GMDS: variants seen among roughly 807,000 people sequenced by gnomAD.
GMDS encodes GDP-mannose 4,6 dehydratase.
In GMDS, 20 loss-of-function variants were observed where a neutral mutation model predicts 49.9. The observed-to-expected ratio is 0.40, with a 90% CI of 0.28 to 0.58. The LOEUF is 0.58. Among genes scored for constraint, GMDS ranks in the 20% least tolerant of loss-of-function variants. GMDS has a pLI of 0.42. For synonymous variants in GMDS, 177 were observed against 178.6 expected (o/e 0.99, Z 0.07); for missense variants, 362 against 481.4 (o/e 0.75, Z 2.32).
At chr6:2,184,121 GGT>G (rs761011136) in intron 1 of GMDS, among the ~76,000 whole-genome samples, 17 of 152,172 alleles carry the variant, frequency 1.1e-4, no homozygotes, top group South Asian at 1.0e-3. Flanking sequence ...ATATCTCAGA[GGT>G]ATGCCTGTAT....
intron 4 of GMDS, among the ~76,000 whole-genome samples, chr6:2,087,059 T>C (rs1372572994): frequency 6.6e-6 from 1 of 152,182 alleles, no homozygotes; most frequent in African/African-American, 2.4e-5. Context: ...TTTATGAGGA[T>C]ATGAGTGCCT....
At chr6:1,963,358 C>A (rs1764077804) in intron 4 of GMDS, among the ~76,000 whole-genome samples, 2 of 152,172 alleles carry the variant, frequency 1.3e-5, no homozygotes. Context: ...GGGCTAATGT[C>A]TTTTCACTTC....
chr6:2,193,572 T>A (rs908189960), intron 1 of GMDS, among the ~76,000 whole-genome samples: 12 of 152,314 alleles, frequency 7.9e-5, no homozygotes, highest in African/African-American at 2.6e-4. Flanking sequence ...TTTTTCACTG[T>A]CATAAAAAGG....
chr6:1,978,017 A>C (rs1765005990), intron 4 of GMDS, among the ~76,000 whole-genome samples: 1 of 152,208 alleles, frequency 6.6e-6, no homozygotes, highest in Admixed American at 6.5e-5. Flanking sequence ...TCACAAGATA[A>C]GACCTACTGT....
intron 7 of GMDS, among the ~76,000 whole-genome samples, chr6:1,887,272 G>A (rs1014239001): frequency 1.7e-5 from 2 of 118,230 alleles, no homozygotes; most frequent in African/African-American, 2.5e-5. Context: ...GCCAAAGCTG[G>A]TAAAAGGCAG....
chr6:1,643,133 T>C (rs1186990107), intron 9 of GMDS, among the ~76,000 whole-genome samples: 2 of 151,940 alleles, frequency 1.3e-5, no homozygotes. Flanking sequence ...TCCTGTGGAG[T>C]TTGTGAAAAG....
chr6:1,929,020 T>C (rs1762161438), intron 7 of GMDS, among the ~76,000 whole-genome samples: 1 of 152,110 alleles, frequency 6.6e-6, no homozygotes, highest in Non-Finnish European at 1.5e-5. Flanking sequence ...AATGTTGCAC[T>C]ATTCAAAATC....
intron 7 of GMDS, among the ~76,000 whole-genome samples, chr6:1,750,660 C>T (rs749306619): frequency 3.3e-5 from 5 of 152,068 alleles, no homozygotes; most frequent in Admixed American, 6.5e-5. Context: ...GGGCAGACAC[C>T]GAGCTAGCTG....
At chr6:1,795,876 T>A (rs575724935) in intron 7 of GMDS, among the ~76,000 whole-genome samples, 1 of 152,340 alleles carries the variant, frequency 6.6e-6, no homozygotes, top group East Asian at 1.9e-4. Context: ...TGAATGCTAA[T>A]AATTTATCCG....
chr6:1,718,750 C>T (rs1293346792), intron 9 of GMDS, among the ~76,000 whole-genome samples: 2 of 149,956 alleles, frequency 1.3e-5, no homozygotes, highest in African/African-American at 4.9e-5. Context: ...AAAAACTCAA[C>T]CATGTATTTT....
intron 7 of GMDS, among the ~76,000 whole-genome samples, chr6:1,775,642 G>A (rs541202087): frequency 1.3e-5 from 2 of 152,284 alleles, no homozygotes; most frequent in South Asian, 4.1e-4. Context: ...CTGATGCCCT[G>A]CTCCAGGGAT....
intron 1 of GMDS, among the ~76,000 whole-genome samples, chr6:2,154,188 T>C (rs1244578002): frequency 6.6e-6 from 1 of 152,140 alleles, no homozygotes; most frequent in Non-Finnish European, 1.5e-5. Flanking sequence ...TATTTCAGGG[T>C]AGATTTTAGA....
chr6:1,999,363 A>G (rs1305168760), intron 4 of GMDS, among the ~76,000 whole-genome samples: 1 of 151,516 alleles, frequency 6.6e-6, no homozygotes. Context: ...AATTAACTGC[A>G]ATTGTTCAGA....
chr6:2,221,548 C>G (rs1230163650), intron 1 of GMDS, among the ~76,000 whole-genome samples: 1 of 152,110 alleles, frequency 6.6e-6, no homozygotes, highest in Non-Finnish European at 1.5e-5. Context: ...GCCACCACGA[C>G]CGGCTAATTT....
intron 7 of GMDS, among the ~76,000 whole-genome samples, chr6:1,866,785 A>C (rs914465539): frequency 2.3e-4 from 35 of 152,328 alleles, no homozygotes; most frequent in Middle Eastern, 3.4e-3. Context: ...TTGGGAGTAC[A>C]CTTGCCACAC....
At chr6:1,906,758 T>A (rs981230310) in intron 7 of GMDS, among the ~76,000 whole-genome samples, 4 of 151,758 alleles carry the variant, frequency 2.6e-5, no homozygotes, top group Non-Finnish European at 4.4e-5. Context: ...AGGAAAGGAG[T>A]AGGAGCTCTC....
chr6:1,632,231 C>T (rs1159280682), intron 9 of GMDS, among the ~76,000 whole-genome samples: 1 of 152,192 alleles, frequency 6.6e-6, no homozygotes, highest in Admixed American at 6.5e-5. Context: ...AAACAATACA[C>T]TTTACACACA....
intron 8 of GMDS, among the ~76,000 whole-genome samples, chr6:1,734,122 T>C (rs890011484): frequency 6.6e-6 from 1 of 152,346 alleles, no homozygotes; most frequent in Admixed American, 6.5e-5. Context: ...TAGCTGTGTA[T>C]GGCCTCTTGC....
chr6:2,067,635 AC>A (rs1219938385), intron 4 of GMDS, among the ~76,000 whole-genome samples: 2 of 152,040 alleles, frequency 1.3e-5, no homozygotes, highest in Admixed American at 6.5e-5. Context: ...TACTATAAAC[AC>A]CTCTACGCAA....
Sources: allele counts gnomAD v4.1 joint callset (sites outside exome capture counted in the v4.1 genomes callset), GRCh38; gene constraint gnomAD v4.1.1; transcripts MANE v1.5; gene names NCBI Gene and HGNC (gene_info 2026-07-23, HGNC 2026-07-21).